Variants in KCNH7 observed in about 807,000 individuals in gnomAD.
KCNH7 encodes voltage-gated inwardly rectifying potassium channel KCNH7.
A neutral mutation model predicts 120.8 loss-of-function variants in KCNH7; 49 were observed. That is an observed-to-expected ratio of 0.41 (90% CI 0.32 to 0.51). The LOEUF (loss-of-function observed/expected upper bound fraction) is 0.51, where lower values mean the gene tolerates loss of function less well. Among genes scored for constraint, KCNH7 ranks in the 20% least tolerant of loss-of-function variants. The pLI is 0.38. For missense variants in KCNH7, 1,097 were observed against 1,446.6 expected, an observed-to-expected ratio of 0.76 and a Z score of 3.92; for synonymous variants, 547 against 516.1, an observed-to-expected ratio of 1.06 and a Z score of -0.81.
At chr2:162,630,647 G>T (rs1683734610) in intron 2 of KCNH7, among the ~76,000 whole-genome samples, 1 of 152,022 alleles carries the variant, frequency 6.6e-6, no homozygotes, top group South Asian at 2.1e-4. Flanking sequence ...TATCCTTTTT[G>T]AGAATATTAA....
intron 2 of KCNH7, among the ~76,000 whole-genome samples, chr2:162,593,187 G>T (rs1694268605): frequency 6.6e-6 from 1 of 152,066 alleles, no homozygotes; most frequent in South Asian, 2.1e-4. Context: ...CAAGGGGCAG[G>T]CCTGTGGGCT....
intron 2 of KCNH7, among the ~76,000 whole-genome samples, chr2:162,633,728 A>G (rs1683845747): frequency 6.6e-6 from 1 of 151,942 alleles, no homozygotes; most frequent in South Asian, 2.1e-4. Context: ...TATTCCACAT[A>G]TTATGTGTCT....
chr2:162,669,395 C>T (rs1685257329), intron 2 of KCNH7, among the ~76,000 whole-genome samples: 1 of 152,050 alleles, frequency 6.6e-6, no homozygotes, highest in Admixed American at 6.5e-5. Context: ...ATTTCAAAAG[C>T]AACAACAGAA....
intron 5 of KCNH7, among the ~76,000 whole-genome samples, chr2:162,509,431 C>T (rs1475397306): frequency 6.6e-6 from 1 of 151,530 alleles, no homozygotes; most frequent in Non-Finnish European, 1.5e-5. Flanking sequence ...TCTTAGGGCA[C>T]TGAGTTTATT....
chr2:162,778,862 T>G (rs1447083550), intron 2 of KCNH7, among the ~76,000 whole-genome samples: 1 of 152,138 alleles, frequency 6.6e-6, no homozygotes, highest in Non-Finnish European at 1.5e-5. Context: ...TTACAGTAAA[T>G]TTATTCATTG....
intron 2 of KCNH7, among the ~76,000 whole-genome samples, chr2:162,730,107 T>C (rs13419735): frequency 3.5e-4 from 53 of 151,456 alleles, no homozygotes; most frequent in African/African-American, 1.3e-3. Context: ...GTTTAAACAT[T>C]ATATTAGACA....
intron 2 of KCNH7, among the ~76,000 whole-genome samples, chr2:162,810,743 T>A (rs1339894443): frequency 6.6e-6 from 1 of 152,162 alleles, no homozygotes; most frequent in Non-Finnish European, 1.5e-5. Flanking sequence ...CACTTTCTTT[T>A]TAATCTGCAT....
At chr2:162,684,523 T>A (rs897417640) in intron 2 of KCNH7, among the ~76,000 whole-genome samples, 8 of 152,028 alleles carry the variant, frequency 5.3e-5, no homozygotes, top group African/African-American at 1.9e-4. Context: ...AACAACCCCA[T>A]CAAAATGTGG....
intron 2 of KCNH7, among the ~76,000 whole-genome samples, chr2:162,564,227 T>A (rs963854870): frequency 4.6e-5 from 7 of 152,116 alleles, no homozygotes; most frequent in Admixed American, 3.9e-4. Flanking sequence ...AAAAATCTCC[T>A]GCTAGAATCC....
intron 2 of KCNH7, among the ~76,000 whole-genome samples, chr2:162,553,526 G>A (rs996656943): frequency 1.3e-5 from 2 of 152,136 alleles, no homozygotes. Flanking sequence ...GCGGGCGCCT[G>A]TAGTCCCAGC....
chr2:162,467,612 A>T (rs556775266), intron 6 of KCNH7, among the ~76,000 whole-genome samples: 1 of 152,360 alleles, frequency 6.6e-6, no homozygotes, highest in South Asian at 2.1e-4. Flanking sequence ...TAAACTGTGA[A>T]GCAGGTAAAC....
chr2:162,425,281 A>C (rs1041292962), intron 8 of KCNH7, among the ~76,000 whole-genome samples: 17 of 151,978 alleles, frequency 1.1e-4, no homozygotes, highest in Non-Finnish European at 1.8e-4. Flanking sequence ...ATCTATATTC[A>C]AACATATATG....
At chr2:162,655,899 T>C (rs1211273981) in intron 2 of KCNH7, among the ~76,000 whole-genome samples, 1 of 152,206 alleles carries the variant, frequency 6.6e-6, no homozygotes, top group Non-Finnish European at 1.5e-5. Context: ...TACTTGTCTT[T>C]AATAATGATA....
chr2:162,647,964 T>C (rs547875450), intron 2 of KCNH7, among the ~76,000 whole-genome samples: 8 of 152,298 alleles, frequency 5.3e-5, no homozygotes, highest in African/African-American at 1.9e-4. Context: ...AAGTAAATCA[T>C]AGGAGTTAGA....
At chr2:162,710,425 G>C (rs1686886483) in intron 2 of KCNH7, among the ~76,000 whole-genome samples, 1 of 151,986 alleles carries the variant, frequency 6.6e-6, no homozygotes, top group Non-Finnish European at 1.5e-5. Flanking sequence ...TTTGTCCTTT[G>C]GCACTGGCCC....
chr2:162,533,424 C>T (rs1443253241), intron 3 of KCNH7, among the ~76,000 whole-genome samples: 1 of 151,488 alleles, frequency 6.6e-6, no homozygotes. Context: ...AAAAACAGCA[C>T]ACTGTATAAA....
At chr2:162,779,498 C>T (rs944694403) in intron 2 of KCNH7, among the ~76,000 whole-genome samples, 2 of 152,058 alleles carry the variant, frequency 1.3e-5, no homozygotes, top group African/African-American at 4.8e-5. Flanking sequence ...CATGTCCAGC[C>T]CTTAAAAATT....
chr2:162,538,807 A>C (rs1179875856), intron 2 of KCNH7, among the ~76,000 whole-genome samples: 1 of 152,046 alleles, frequency 6.6e-6, no homozygotes, highest in African/African-American at 2.4e-5. Flanking sequence ...AATATGTTCT[A>C]ATTTCCAAGG....
intron 3 of KCNH7, among the ~76,000 whole-genome samples, chr2:162,534,919 G>A (rs1307304014): frequency 3.3e-5 from 5 of 151,614 alleles, no homozygotes; most frequent in Non-Finnish European, 3.0e-5. Flanking sequence ...GTCCAAATGT[G>A]TCTTCTTCCA....
Sources: gnomAD v4.1 joint callset for allele counts (sites outside exome capture counted in the v4.1 genomes callset) on GRCh38, gnomAD v4.1.1 for gene constraint, MANE v1.5 for transcripts, NCBI Gene and HGNC (gene_info 2026-07-23, HGNC 2026-07-21) for gene names.